TANGO6: variants seen among roughly 807,000 people sequenced by gnomAD.
TANGO6 encodes the protein transport and Golgi organization protein 6 homolog.
TANGO6 carries 90 observed loss-of-function variants against 114.2 expected under a neutral mutation model. That is an observed-to-expected ratio of 0.79 (90% CI 0.66 to 0.94). TANGO6 has a LOEUF of 0.94. Among genes scored for constraint, TANGO6 ranks in the 40% least tolerant of loss-of-function variants. The probability of loss-of-function intolerance (pLI) is 0.00; values close to 1 mark genes in which losing one functional copy is unlikely to be tolerated. For synonymous variants in TANGO6, 477 were observed against 509.8 expected (o/e 0.94, Z 0.87); for missense variants, 1,274 against 1,315.3 (o/e 0.97, Z 0.49).
At chr16:68,918,856 C>T (rs1290506046) in intron 11 of TANGO6, among the ~76,000 whole-genome samples, 1 of 152,130 alleles carries the variant, frequency 6.6e-6, no homozygotes, top group Non-Finnish European at 1.5e-5. Context: ...TTGTCCTATC[C>T]ATCTGTCTGT....
chr16:68,849,971 C>CTTTTT (rs560571416), intron 1 of TANGO6, among the ~76,000 whole-genome samples: 8 of 114,860 alleles, frequency 7.0e-5, no homozygotes, highest in East Asian at 4.8e-4. Context: ...TCTAGCGGTT[C>CTTTTT]TTTTTTTTTT....
intron 14 of TANGO6, among the ~76,000 whole-genome samples, chr16:68,936,437 A>G (rs934953843): frequency 1.3e-5 from 2 of 152,074 alleles, no homozygotes; most frequent in African/African-American, 4.8e-5. Context: ...GGTTCAAGCA[A>G]TTCTCCTGCC....
At chr16:68,991,851 G>T (rs1039321324) in intron 15 of TANGO6, among the ~76,000 whole-genome samples, 1 of 152,052 alleles carries the variant, frequency 6.6e-6, no homozygotes, top group Non-Finnish European at 1.5e-5. Flanking sequence ...AGAAAGGAGA[G>T]CCTGGAGCCG....
chr16:68,981,581 A>G (rs1021882935), intron 15 of TANGO6, among the ~76,000 whole-genome samples: 3 of 152,198 alleles, frequency 2.0e-5, no homozygotes, highest in African/African-American at 7.2e-5. Context: ...TGATATTACT[A>G]TTACTGTGCC....
intron 15 of TANGO6, among the ~76,000 whole-genome samples, chr16:69,015,585 C>A (rs1397546087): frequency 1.3e-5 from 2 of 151,862 alleles, no homozygotes; most frequent in Non-Finnish European, 2.9e-5. Context: ...GGGTTCACGC[C>A]ATTCTCCTGC....
At chr16:68,948,961 C>T (rs560940193) in intron 14 of TANGO6, among the ~76,000 whole-genome samples, 56 of 152,212 alleles carry the variant, frequency 3.7e-4, no homozygotes, top group African/African-American at 1.2e-3. Flanking sequence ...CCAAGGTGGG[C>T]GGATCACCTG....
intron 17 of TANGO6, among the ~76,000 whole-genome samples, chr16:69,063,143 G>T (rs1263871496): frequency 6.6e-6 from 1 of 151,340 alleles, no homozygotes; most frequent in Non-Finnish European, 1.5e-5. Context: ...CAGGAGAATC[G>T]CTTGAACCCA....
At chr16:68,974,688 T>A (rs1324640919) in intron 15 of TANGO6, among the ~76,000 whole-genome samples, 2 of 151,542 alleles carry the variant, frequency 1.3e-5, no homozygotes, top group Non-Finnish European at 2.9e-5. Context: ...AAAAAACTGC[T>A]TAGTCTCCTT....
chr16:69,000,722 G>A (rs1964033774), intron 15 of TANGO6, among the ~76,000 whole-genome samples: 1 of 152,060 alleles, frequency 6.6e-6, no homozygotes. Flanking sequence ...CTCCTGAGTA[G>A]CTGGGATTAC....
At chr16:68,852,079 C>G (rs575197794) in intron 1 of TANGO6, among the ~76,000 whole-genome samples, 13 of 152,248 alleles carry the variant, frequency 8.5e-5, no homozygotes, top group African/African-American at 2.6e-4. Flanking sequence ...ACAAAATATT[C>G]CATTGTTTAT....
At chr16:69,078,729 G>A (rs1274328360) in intron 17 of TANGO6, among the ~76,000 whole-genome samples, 1 of 152,064 alleles carries the variant, frequency 6.6e-6, no homozygotes, top group Non-Finnish European at 1.5e-5. Flanking sequence ...ATACGTTTCT[G>A]TATTTTATTT....
At chr16:69,065,839 C>T (rs1290069489) in intron 17 of TANGO6, among the ~76,000 whole-genome samples, 3 of 152,074 alleles carry the variant, frequency 2.0e-5, no homozygotes, top group African/African-American at 4.8e-5. Context: ...TTTCATAGAC[C>T]CATCAAAGTG....
At chr16:68,875,032 A>G in intron 4 of TANGO6, 122 bp from the exon 5 acceptor site, 1 of 1,056,254 alleles carries the variant, frequency 9.5e-7, no homozygotes, top group Non-Finnish European at 1.3e-6. Context: ...ATAGAAAAAA[A>G]TAAACTATTT....
chr16:69,051,298 T>G (rs1393994681), intron 17 of TANGO6, among the ~76,000 whole-genome samples: 1 of 152,038 alleles, frequency 6.6e-6, no homozygotes, highest in African/African-American at 2.4e-5. Flanking sequence ...CCCAGCAGTT[T>G]GGGAGACTGA....
intron 16 of TANGO6, among the ~76,000 whole-genome samples, chr16:69,024,007 A>G (rs1306847692): frequency 6.7e-6 from 1 of 148,460 alleles, no homozygotes; most frequent in Non-Finnish European, 1.5e-5. Flanking sequence ...TCCTGGGTTC[A>G]AGCAGTTCTC....
intron 17 of TANGO6, among the ~76,000 whole-genome samples, chr16:69,048,554 G>T (rs1350129827): frequency 6.6e-6 from 1 of 151,984 alleles, no homozygotes; most frequent in Non-Finnish European, 1.5e-5. Flanking sequence ...ATTGACAGCT[G>T]TTTTAAGTTC....
chr16:69,069,347 C>T (rs183288085), intron 17 of TANGO6, among the ~76,000 whole-genome samples: 3 of 152,270 alleles, frequency 2.0e-5, no homozygotes, highest in Admixed American at 6.5e-5. Context: ...CTCTCTGCCC[C>T]GTAATAGTCT....
intron 15 of TANGO6, among the ~76,000 whole-genome samples, chr16:68,996,654 T>C (rs144793889): frequency 7.1e-4 from 108 of 152,318 alleles, no homozygotes; most frequent in African/African-American, 2.0e-3. Flanking sequence ...GTAAATGGCA[T>C]CCAAGACAGG....
chr16:68,978,817 G>A (rs73562660), intron 15 of TANGO6, among the ~76,000 whole-genome samples: 481 of 151,024 alleles, frequency 3.2e-3, no homozygotes, highest in African/African-American at 0.011. Context: ...ACACCTACTT[G>A]TCTTCCTGCC....
Sources: gnomAD v4.1 joint callset for allele counts (sites outside exome capture counted in the v4.1 genomes callset) on GRCh38, gnomAD v4.1.1 for gene constraint, MANE v1.5 for transcripts, NCBI Gene and HGNC (gene_info 2026-07-23, HGNC 2026-07-21) for gene names.